Variants in FAM78A observed in about 807,000 individuals in gnomAD.
The protein encoded by FAM78A is protein FAM78A.
FAM78A carries 12 observed loss-of-function variants against 22.6 expected under a neutral mutation model. The ratio of observed to expected loss-of-function variants is 0.53; its 90% confidence interval spans 0.34 to 0.86. FAM78A has a LOEUF of 0.86. Among genes scored for constraint, FAM78A ranks in the 40% least tolerant of loss-of-function variants. FAM78A has a pLI of 0.02. For synonymous variants in FAM78A, 151 were observed against 155.8 expected, an observed-to-expected ratio of 0.97 and a Z score of 0.23; for missense variants, 322 against 396.1, an observed-to-expected ratio of 0.81 and a Z score of 1.59.
rs542873565 is a variant in FAM78A at position 131,265,359 on chromosome 9, G to T, written c.324-4009C>A. ...CAACCTCTGCCTCCTGGGTTCAAGCGATTCTCCTGCCTCAGCTTCCCAAGT... is the reference window on the plus strand; with the variant it reads ...CAACCTCTGCCTCCTGGGTTCAAGCTATTCTCCTGCCTCAGCTTCCCAAGT... On this transcript the variant is annotated intron_variant, in intron 1 of 1. Coordinates refer to ENST00000372271, the MANE Select transcript of FAM78A (RefSeq NM_033387.4). The surrounding 1 kb of genome is among the most constrained non-coding windows in gnomAD (Gnocchi z 4.3). Among the ~76,000 whole-genome samples, 1 of 152,096 alleles carries T rather than the reference G, an allele frequency of 6.6e-6. No homozygotes were observed. Among genetic ancestry groups the T allele is most frequent in the African/African-American group, 2.4e-5 (1 of 41,404 alleles).
chr9:131,278,028 G>C (rs1046385521), upstream of FAM78A, among the ~76,000 whole-genome samples: 1 of 146,614 alleles, frequency 6.8e-6, no homozygotes, highest in Non-Finnish European at 1.5e-5. Flanking sequence ...GGCCCCGCGG[G>C]GATGCAGGTC....
intron 1 of FAM78A, among the ~76,000 whole-genome samples, chr9:131,270,896 C>T (rs557782835): frequency 1.3e-5 from 2 of 152,130 alleles, no homozygotes; most frequent in South Asian, 2.1e-4. Flanking sequence ...CGCTGGGAGA[C>T]GGCAGGTGGG....
At chr9:131,270,765 T>G (rs549828221) in intron 1 of FAM78A, among the ~76,000 whole-genome samples, 13 of 152,282 alleles carry the variant, frequency 8.5e-5, no homozygotes, top group African/African-American at 1.9e-4. Flanking sequence ...ACAGGGACAT[T>G]CCTCCATGGC....
At position 131,274,199 on chromosome 9, in the gene FAM78A, C is replaced by T. The variant is rs1223899646; in HGVS notation, c.323+1658G>A. ...CCTGTGGCCTCCCCACCACACGTTG[C>T]ACCAACCACATTAGCATCCAGTCCC... On this transcript the variant is annotated intron_variant, in intron 1 of 1. Transcript: ENST00000372271. This position sits in a 1 kb window ranked among gnomAD's most constrained non-coding sequence, Gnocchi z 4.2. 2.0e-5 allele frequency among the ~76,000 whole-genome samples: 3 copies of T among 152,258 alleles called. No individual in the cohort carries two copies. Among genetic ancestry groups the T allele is most frequent in the Non-Finnish European group, 4.4e-5 (3 of 68,044 alleles).
At chr9:131,262,948 A>C (rs1160698269) in intron 1 of FAM78A, among the ~76,000 whole-genome samples, 2 of 151,904 alleles carry the variant, frequency 1.3e-5, no homozygotes, top group Non-Finnish European at 2.9e-5. Context: ...TGCAGATGAA[A>C]AGAGTTCTGG....
At chr9:131,277,728 G>C (rs1456785742), upstream of FAM78A, among the ~76,000 whole-genome samples, 2 of 150,598 alleles carry the variant, frequency 1.3e-5, no homozygotes, top group Non-Finnish European at 1.5e-5. This position sits in a 1 kb window ranked among gnomAD's most constrained non-coding sequence, Gnocchi z 8.4. Flanking sequence ...TTGGGGCTTC[G>C]GGGGGGCGGC....
chr9:131,269,153 T>A (rs1192161463), intron 1 of FAM78A, among the ~76,000 whole-genome samples: 1 of 147,416 alleles, frequency 6.8e-6, no homozygotes, highest in African/African-American at 2.5e-5. Context: ...GAAACCTACC[T>A]CCCCATGCGC....
At chr9:131,270,937 A>ATCCCAGCAGGACAGGGTGGC (rs1254578117) in intron 1 of FAM78A, among the ~76,000 whole-genome samples, 5 of 151,094 alleles carry the variant, frequency 3.3e-5, no homozygotes, top group Non-Finnish European at 7.4e-5. Context: ...TCTCAGCGTC[A>ATCCCAGCAGGACAGGGTGGC]TCCCAGCAGG....
intron 1 of FAM78A, among the ~76,000 whole-genome samples, chr9:131,266,434 T>G (rs1835346293): frequency 6.6e-6 from 1 of 151,978 alleles, no homozygotes; most frequent in African/African-American, 2.4e-5. Context: ...GCCATGCTCC[T>G]CCCTCTCAGG....
chr9:131,264,773 G>C, intron 1 of FAM78A: 1 of 593,708 alleles, frequency 1.7e-6, no homozygotes, highest in Admixed American at 2.9e-5. Context: ...ACTCAGGCTG[G>C]AGTGCAGTGG....
At chr9:131,278,572 G>A (rs533857478), upstream of FAM78A, among the ~76,000 whole-genome samples, 270 of 152,346 alleles carry the variant, frequency 1.8e-3, 2 homozygotes, top group African/African-American at 6.3e-3. Context: ...CCTGTGGAGG[G>A]AGACTGATGA....
intron 1 of FAM78A, chr9:131,264,600 C>T: frequency 2.8e-6 from 2 of 717,360 alleles, no homozygotes; most frequent in Non-Finnish European, 5.2e-6. Flanking sequence ...GTGCAGCCAA[C>T]AGCAGTCAGT....
At position 131,261,666 on chromosome 9, in the gene FAM78A, G is replaced by A. The variant is rs1835272092; in HGVS notation, c.324-316C>T. 6.6e-6 allele frequency among the ~76,000 whole-genome samples: 1 copy of A among 152,146 alleles called. No individual in the cohort carries two copies. Among genetic ancestry groups the A allele is most frequent in the Non-Finnish European group, 1.5e-5 (1 of 68,002 alleles). The stretch of plus-strand genomic sequence containing the variant: ...ATCTGGGAGCCCACCCCAGACTGTA[G>A]GGGCCCCTTACTTTAACATTACAGG... On this transcript the variant is annotated intron_variant, in intron 1 of 1. Transcript: ENST00000372271. The surrounding 1 kb of genome is among the most constrained non-coding windows in gnomAD (Gnocchi z 7.1).
rs888873465 is a variant in FAM78A, at chr9:131,275,603, G to C, written c.323+254C>G. Reference sequence around the variant, plus strand: ...CTCTGCTTTCTCGGCATCTTGCAGGGAAGGACACAGGAACCCGGGGGGAAC... The same window carrying C: ...CTCTGCTTTCTCGGCATCTTGCAGGCAAGGACACAGGAACCCGGGGGGAAC... On this transcript the variant is annotated intron_variant, in intron 1 of 1. Transcript: ENST00000372271. The surrounding 1 kb of genome is among the most constrained non-coding windows in gnomAD (Gnocchi z 4.6). Among the ~76,000 whole-genome samples, 15 of 152,224 alleles carry C rather than the reference G, an allele frequency of 9.9e-5. No homozygotes were observed. Among genetic ancestry groups the C allele is most frequent in the African/African-American group, 3.6e-4 (15 of 41,458 alleles).
chr9:131,277,814 GCGCGCTGTCGCCGCTCAGCCCCGCCGC>G (rs1835504206), upstream of FAM78A, among the ~76,000 whole-genome samples: 3 of 151,164 alleles, frequency 2.0e-5, no homozygotes, highest in African/African-American at 7.3e-5. The surrounding 1 kb of genome is among the most constrained non-coding windows in gnomAD (Gnocchi z 8.4). Flanking sequence ...ATCATTGTGA[GCGCGCTGTCGCCGCTCAGCCCCGCCGC>G]CGCGCCGCTG....
chr9:131,265,560 T>G lies in FAM78A; in HGVS notation c.324-4210A>C, dbSNP rs186237059. On this transcript the variant is annotated intron_variant, in intron 1 of 1. Transcript: ENST00000372271. The surrounding 1 kb of genome is among the most constrained non-coding windows in gnomAD (Gnocchi z 4.3). ...CACCATGCCCGGCCTAATTTTTATATTTTTTTAGTAGAGACGGAGTTTCAC... is the reference window on the plus strand; with the variant it reads ...CACCATGCCCGGCCTAATTTTTATAGTTTTTTAGTAGAGACGGAGTTTCAC... Among the ~76,000 whole-genome samples, 2 of 152,050 alleles carry G rather than the reference T, an allele frequency of 1.3e-5. No individual in the cohort carries two copies. Among genetic ancestry groups the G allele is most frequent in the East Asian group, 3.9e-4 (2 of 5,176 alleles).
upstream of FAM78A, among the ~76,000 whole-genome samples, chr9:131,276,897 GC>G (rs1835493944): frequency 6.7e-6 from 1 of 149,082 alleles, no homozygotes; most frequent in Non-Finnish European, 1.5e-5. The surrounding 1 kb of genome is among the most constrained non-coding windows in gnomAD (Gnocchi z 4.3). Context: ...GGGTCCCGGG[GC>G]TGCGCTCCGG....
Position 131,275,722 on chromosome 9 carries a change from CT to C in FAM78A, c.323+134del. 1 of 968,234 alleles carries C rather than the reference CT, an allele frequency of 1.0e-6. No homozygotes were observed. Among genetic ancestry groups the C allele is most frequent in the South Asian group, 1.8e-5 (1 of 54,406 alleles). The allele number at this position is 968,234 out of a possible 1,614,324, so 60.0% of individuals were successfully genotyped here. A position where few individuals can be genotyped will look rare whatever the true frequency, so the allele number is the denominator to read the frequency against. On this transcript the variant is annotated intron_variant, in intron 1 of 1. Transcript: ENST00000372271. This position sits in a 1 kb window ranked among gnomAD's most constrained non-coding sequence, Gnocchi z 4.6. Reference sequence around the variant, plus strand: ...CGGGCCAATGAGGCCACCTGCATACCTGCCTAAAGCTTCCCTCTGGCCTCCG... The same window carrying C: ...CGGGCCAATGAGGCCACCTGCATACCGCCTAAAGCTTCCCTCTGGCCTCCG...
At chr9:131,269,781 T>G (rs1835394105) in intron 1 of FAM78A, among the ~76,000 whole-genome samples, 1 of 152,168 alleles carries the variant, frequency 6.6e-6, no homozygotes, top group Non-Finnish European at 1.5e-5. Context: ...CCAGCCCATG[T>G]GCATCTTTAT....
Sources: gnomAD v4.1 joint callset for allele counts (sites outside exome capture counted in the v4.1 genomes callset) on GRCh38, gnomAD v4.1.1 for gene constraint, Gnocchi (gnomAD v3.1) non-coding constraint, MANE v1.5 for transcripts, NCBI Gene and HGNC (gene_info 2026-07-23, HGNC 2026-07-21) for gene names.